The following CYP4F22 variants were observed in gnomAD, a reference collection of about 807,000 sequenced individuals.
CYP4F22 encodes cytochrome P450 family 4 subfamily F member 22, also known as ultra-long-chain fatty acid omega-hydroxylase.
CYP4F22 carries 37 observed loss-of-function variants against 60.4 expected under a neutral mutation model. That is an observed-to-expected ratio of 0.61 (90% CI 0.47 to 0.81). The LOEUF (loss-of-function observed/expected upper bound fraction) is 0.81, where lower values mean the gene tolerates loss of function less well. Ranked by LOEUF, CYP4F22 falls within the 30% of genes least tolerant of loss-of-function variation. The probability of loss-of-function intolerance (pLI) is 0.00; values close to 1 mark genes in which losing one functional copy is unlikely to be tolerated. For synonymous variants in CYP4F22, 258 were observed against 280.5 expected (o/e 0.92, Z 0.80); for missense variants, 655 against 715.0 (o/e 0.92, Z 0.96).
intron 8 of CYP4F22, among the ~76,000 whole-genome samples, chr19:15,541,878 A>G (rs35597956): frequency 0.39 from 58,434 of 150,532 alleles, 12,445 homozygotes; most frequent in East Asian, 0.58. Context: ...AAAAAAAAAA[A>G]AAAAAGAAAA....
chr19:15,546,931 G>A (rs901964157), intron 10 of CYP4F22, among the ~76,000 whole-genome samples: 2 of 150,006 alleles, frequency 1.3e-5, no homozygotes, highest in African/African-American at 2.5e-5. Flanking sequence ...GGCTGGTCAC[G>A]AACTCCTGGG....
At chr19:15,550,945 G>A (rs1420459007) in intron 13 of CYP4F22, among the ~76,000 whole-genome samples, 189 bp downstream of exon 13, 1 of 152,166 alleles carries the variant, frequency 6.6e-6, no homozygotes, top group Non-Finnish European at 1.5e-5. Context: ...TGGGTATTGA[G>A]CACCAACGGT....
At chr19:15,547,772 G>A (rs902933634) in intron 10 of CYP4F22, among the ~76,000 whole-genome samples, 10 of 151,244 alleles carry the variant, frequency 6.6e-5, no homozygotes, top group African/African-American at 1.7e-4. Flanking sequence ...GCAGTGACCC[G>A]AGATGCGCCA....
chr19:15,551,564 C>G lies in CYP4F22; in HGVS notation c.*93C>G. ...AAGATCCCGAGGGCATAGGCCACCC[C>G]CCTCGAAGTTCAGGTTCAGCTCCTG... On this transcript the variant is annotated 3_prime_UTR_variant, in exon 14 of 14. Transcript: ENST00000269703. The G allele has an allele frequency of 7.0e-7, 1 of 1,438,168 alleles. No individual in the cohort carries two copies. Among genetic ancestry groups the G allele is most frequent in the Middle Eastern group, 2.4e-4 (1 of 4,098 alleles). The allele number at this position is 1,438,168 out of a possible 1,614,324, so 89.1% of individuals were successfully genotyped here.
intron 8 of CYP4F22, among the ~76,000 whole-genome samples, chr19:15,542,870 CA>C (rs781230745): frequency 2.0e-5 from 3 of 152,102 alleles, no homozygotes; most frequent in African/African-American, 4.8e-5. Context: ...CAGGTCCCTG[CA>C]AAGGACATAA....
intron 1 of CYP4F22, among the ~76,000 whole-genome samples, chr19:15,520,110 C>T (rs755937580): frequency 5.9e-5 from 9 of 151,936 alleles, no homozygotes; most frequent in Admixed American, 6.6e-5. Flanking sequence ...TTTGGGAGGC[C>T]GAGGCGAGCA....
At chr19:15,549,028 G>A in intron 11 of CYP4F22, 110 bp from the exon 12 acceptor site, 1 of 1,178,296 alleles carries the variant, frequency 8.5e-7, no homozygotes, top group East Asian at 2.4e-5. Flanking sequence ...AGAAGGTGGT[G>A]GCAGATGGCT....
At position 15,525,564 on chromosome 19, in the gene CYP4F22, T is replaced by C; in HGVS notation, c.222+6T>C. On this transcript the variant is annotated splice_donor_region_variant and intron_variant, in intron 3 of 13. Transcript: ENST00000269703. ...TGCTGGGCCACCTGGGCATGGTAAGTGTGGCCAGGCAGGACTGGGCTGGGC... is the reference window on the plus strand; with the variant it reads ...TGCTGGGCCACCTGGGCATGGTAAGCGTGGCCAGGCAGGACTGGGCTGGGC... 1 of 1,606,066 alleles carries C rather than the reference T, an allele frequency of 6.2e-7. No individual in the cohort carries two copies. Among genetic ancestry groups the C allele is most frequent in the Non-Finnish European group, 8.5e-7 (1 of 1,179,604 alleles).
Position 15,536,362 on chromosome 19 carries a change from T to C in CYP4F22, c.368-999T>C, listed in dbSNP as rs556921163. Among the ~76,000 whole-genome samples, 4 of 152,138 alleles carry C rather than the reference T, an allele frequency of 2.6e-5. No homozygotes were observed. The East Asian group carries it at 7.7e-4, about 29-fold the overall frequency. ...CAAAAAAACAAAAAACAAAAAGTTA[T>C]GTGGTGTTAGTTCTGTGACGTCGAA... On this transcript the variant is annotated intron_variant, in intron 4 of 13. Coordinates refer to ENST00000269703, the MANE Select transcript of CYP4F22 (RefSeq NM_173483.4).
Position 15,537,406 on chromosome 19 carries a change from C to T in CYP4F22, c.413C>T (p.Pro138Leu), listed in dbSNP as rs1971408708. ...KDDLFYGFLK[P>L]WLGDGLLLSK... ...GACCTCTTCTATGGCTTCCTAAAAC[C>T]TTGGCTAGGTGAGTGCCCAGTGGGT... The change falls in exon 5 of 14, where the codon CCT becomes CTT. Residue 138 changes from proline to leucine, a missense_variant. Physicochemically the swap from Pro to Leu is moderately conservative, Grantham distance 98. Coordinates refer to ENST00000269703, the MANE Select transcript of CYP4F22 (RefSeq NM_173483.4). 1 of 1,614,046 alleles carries T rather than the reference C, an allele frequency of 6.2e-7. No homozygotes were observed. Among genetic ancestry groups the T allele is most frequent in the African/African-American group, 1.3e-5 (1 of 74,914 alleles).
chr19:15,531,730 A>T (rs1599801127), intron 4 of CYP4F22, among the ~76,000 whole-genome samples: 1 of 152,076 alleles, frequency 6.6e-6, no homozygotes, highest in Non-Finnish European at 1.5e-5. Flanking sequence ...TTGCTGTGAG[A>T]CCCCAGCCAT....
Position 15,548,161 on chromosome 19 carries a change from G to T in CYP4F22, c.1190G>T (p.Arg397Leu), listed in dbSNP as rs748463754. Residue 397 changes from arginine (R) to leucine (L), a missense_variant, in exon 11 of 14, where the codon CGC becomes CTC. Physicochemically the swap from Arg to Leu is moderately radical, Grantham distance 102. Transcript: ENST00000269703. ...ACTATGTGCATTAAGGAGAGCCTGC[G>T]CCAGTACCCACCTGTCACTCTTGTC... is the stretch of plus-strand genomic sequence containing the variant. ...FTTMCIKESLRQYPPVTLVSR... is the reference protein window; with the variant it reads ...FTTMCIKESLLQYPPVTLVSR... The T allele has an allele frequency of 3.1e-6, 5 of 1,614,020 alleles. No homozygotes were observed. Among genetic ancestry groups the T allele is most frequent in the Non-Finnish European group, 4.2e-6 (5 of 1,180,026 alleles).
Position 15,552,002 on chromosome 19 carries a change from T to C in CYP4F22, c.*531T>C. The C allele has an allele frequency of 6.3e-6, 1 of 158,050 alleles. No individual in the cohort carries two copies. The highest frequency in any genetic ancestry group is 1.4e-5 in the Non-Finnish European group (1 of 71,996). The allele number at this position is 158,050 out of a possible 1,614,324, so 9.8% of individuals were successfully genotyped here. The stretch of plus-strand genomic sequence containing the variant: ...TCACCCTCCTGAGGCCCTCAGCTCA[T>C]ACGGGCAGACTGCTCAGGCGTGAGG... On this transcript the variant is annotated 3_prime_UTR_variant, in exon 14 of 14. Transcript: ENST00000269703.
chr19:15,522,631 G>A (rs1255438428), intron 1 of CYP4F22, among the ~76,000 whole-genome samples: 1 of 152,172 alleles, frequency 6.6e-6, no homozygotes, highest in East Asian at 1.9e-4. Context: ...AGCCGTGATA[G>A]TACTCTTTAG....
At chr19:15,532,385 C>T (rs1971353005) in intron 4 of CYP4F22, among the ~76,000 whole-genome samples, 1 of 150,488 alleles carries the variant, frequency 6.6e-6, no homozygotes, top group Non-Finnish European at 1.5e-5. Context: ...TTTTCTTCCT[C>T]TTCTTTTTAG....
intron 13 of CYP4F22, 70 bp downstream of exon 13, chr19:15,550,826 G>A: frequency 6.4e-7 from 1 of 1,570,810 alleles, no homozygotes; most frequent in African/African-American, 1.4e-5. Flanking sequence ...TCAGGAATGT[G>A]CCTCTCAGGA....
chr19:15,523,157 C>T (rs1391104496), intron 1 of CYP4F22, among the ~76,000 whole-genome samples: 1 of 151,608 alleles, frequency 6.6e-6, no homozygotes, highest in African/African-American at 2.4e-5. Flanking sequence ...GAGTTCAAGA[C>T]CAGCCTGGCC....
intron 1 of CYP4F22, among the ~76,000 whole-genome samples, chr19:15,512,080 G>A (rs766394941): frequency 2.0e-5 from 3 of 152,170 alleles, no homozygotes; most frequent in Non-Finnish European, 4.4e-5. Flanking sequence ...CTATCAAATA[G>A]CAATAATAGG....
chr19:15,541,865 CAAAAAAAAAA>C, intron 8 of CYP4F22, among the ~76,000 whole-genome samples: 1 of 99,680 alleles, frequency 1.0e-5, no homozygotes, highest in South Asian at 2.8e-4. Flanking sequence ...AACTCCGTCT[CAAAAAAAAAA>C]AAAAAAAAGA....
Sources: allele counts gnomAD v4.1 joint callset (sites outside exome capture counted in the v4.1 genomes callset), GRCh38; gene constraint gnomAD v4.1.1; transcripts MANE v1.5; gene names NCBI Gene and HGNC (gene_info 2026-07-23, HGNC 2026-07-21).